Variants in CHST11 observed in about 807,000 individuals in gnomAD.
CHST11 encodes C4S-1.
In CHST11, 9 loss-of-function variants were observed where a neutral mutation model predicts 30.4. That is an observed-to-expected ratio of 0.30 (90% CI 0.18 to 0.52). The LOEUF is 0.52. CHST11 is among the 20% of genes least tolerant of loss of function. The pLI is 0.97. For missense variants in CHST11, 348 were observed against 460.6 expected (o/e 0.76, Z 2.24); for synonymous variants, 152 against 187.8 (o/e 0.81, Z 1.56).
intron 1 of CHST11, among the ~76,000 whole-genome samples, chr12:104,528,450 C>T (rs1233850312): frequency 6.6e-6 from 1 of 152,222 alleles, no homozygotes; most frequent in Non-Finnish European, 1.5e-5. Context: ...ATGAAACCTC[C>T]TTTAACTCAC....
chr12:104,695,774 C>T (rs530679423), intron 2 of CHST11, among the ~76,000 whole-genome samples: 14 of 152,362 alleles, frequency 9.2e-5, no homozygotes, highest in African/African-American at 3.4e-4. Flanking sequence ...TCCCCCTTCA[C>T]AGCCCTCCTT....
chr12:104,631,289 C>G (rs1054295366), intron 2 of CHST11, among the ~76,000 whole-genome samples: 9 of 152,210 alleles, frequency 5.9e-5, no homozygotes, highest in African/African-American at 2.2e-4. Context: ...GTCATTCACT[C>G]TTCCTCAGAC....
At chr12:104,651,024 T>G (rs191431593) in intron 2 of CHST11, among the ~76,000 whole-genome samples, 4 of 152,352 alleles carry the variant, frequency 2.6e-5, no homozygotes, top group African/African-American at 9.6e-5. Flanking sequence ...TTAGTCATTA[T>G]TATTATGTCT....
At chr12:104,592,851 G>A (rs1309060016) in intron 1 of CHST11, among the ~76,000 whole-genome samples, 1 of 152,192 alleles carries the variant, frequency 6.6e-6, no homozygotes, top group African/African-American at 2.4e-5. Flanking sequence ...GTCTGGGCAT[G>A]TTTCTGCAGA....
At chr12:104,631,555 A>G (rs898522616) in intron 2 of CHST11, among the ~76,000 whole-genome samples, 5 of 152,076 alleles carry the variant, frequency 3.3e-5, no homozygotes, top group Non-Finnish European at 7.3e-5. Flanking sequence ...GGGGACCCTC[A>G]GCCTGGCTCC....
rs77465182 is a variant in CHST11, at chr12:104,759,717, G to C, written c.*1914G>C. On this transcript the variant is annotated 3_prime_UTR_variant, in exon 3 of 3. Coordinates refer to ENST00000303694, the MANE Select transcript of CHST11 (RefSeq NM_018413.6). ...AGGTAGCTGAAGCTATTTATAAAAC[G>C]TTGTGTACCTTCTTCCGAGCTCTCT... The C allele has an allele frequency of 5.3e-5, 8 of 152,246 alleles. No homozygotes were observed. The East Asian group carries it at 1.2e-3, about 22-fold the overall frequency. The allele number at this position is 152,246 out of a possible 1,614,324, so 9.4% of individuals were successfully genotyped here.
chr12:104,753,183 A>C (rs2040447454), intron 2 of CHST11, among the ~76,000 whole-genome samples: 1 of 152,162 alleles, frequency 6.6e-6, no homozygotes, highest in Non-Finnish European at 1.5e-5. Flanking sequence ...TGCCGAGACC[A>C]CCACAGCTTT....
In CHST11 at chr12:104,674,599, C is replaced by T. The variant is rs140942052; in HGVS notation, c.204+72608C>T. 5.4e-4 allele frequency among the ~76,000 whole-genome samples: 83 copies of T among 152,312 alleles called. 1 individual carries two copies. The East Asian group carries it at 0.016, about 29-fold the overall frequency. ...ACCCAGGACTGTCCCTCATTAAATG[C>T]CTGAATAATTTCGAAGAGTCAGAGT... On this transcript the variant is annotated intron_variant, in intron 2 of 2. Transcript: ENST00000303694.
At chr12:104,511,148 TC>T (rs553498906) in intron 1 of CHST11, among the ~76,000 whole-genome samples, 266 of 152,320 alleles carry the variant, frequency 1.7e-3, no homozygotes, top group African/African-American at 6.2e-3. Context: ...TGAATCAGTC[TC>T]CACTTTCAGA....
At chr12:104,756,532 G>GGGGGTGTGTGTGTGTGTGTGTGT (rs1555250374) in intron 2 of CHST11, among the ~76,000 whole-genome samples, 3 of 143,292 alleles carry the variant, frequency 2.1e-5, no homozygotes, top group Non-Finnish European at 4.6e-5. Flanking sequence ...ATCCATGTGG[G>GGGGGTGTGTGTGTGTGTGTGTGT]GTGTGTGTGT....
chr12:104,626,545 A>G (rs1158315643), intron 2 of CHST11, among the ~76,000 whole-genome samples: 7 of 146,836 alleles, frequency 4.8e-5, no homozygotes, highest in Non-Finnish European at 7.4e-5. Context: ...GTTTTTCTTA[A>G]TTGCCATTTC....
In CHST11 at chr12:104,756,997, G is replaced by T. The variant is rs1465265548; in HGVS notation, c.253G>T (p.Val85Leu). 6.2e-7 allele frequency: 1 copy of T among 1,613,068 alleles called. No homozygotes were observed. Among genetic ancestry groups the T allele is most frequent in the East Asian group, 2.2e-5 (1 of 44,876 alleles). The change falls in exon 3 of 3, where the codon GTG becomes TTG. Residue 85 changes from valine (V) to leucine (L), a missense_variant. By Grantham distance (32) the Val-to-Leu change is conservative. This residue lies in a region of CHST11 where 135 missense variants were observed against 155.8 expected (regional missense o/e 0.87). Transcript: ENST00000303694. Reference protein sequence around the residue: ...AVLHQMRRDQVTDTCRANSAT... With the variant: ...AVLHQMRRDQLTDTCRANSAT... ...CCTGCACCAGATGCGGCGGGACCAG[G>T]TGACAGACACGTGCCGAGCCAACAG...
At chr12:104,540,934 A>G (rs1592753057) in intron 1 of CHST11, among the ~76,000 whole-genome samples, 1 of 152,170 alleles carries the variant, frequency 6.6e-6, no homozygotes. Context: ...GGTTGGGGTC[A>G]GGTCAGAAAA....
intron 2 of CHST11, among the ~76,000 whole-genome samples, chr12:104,670,193 G>A (rs2039677088): frequency 6.6e-6 from 1 of 152,176 alleles, no homozygotes; most frequent in Non-Finnish European, 1.5e-5. Context: ...GGTGCACTCT[G>A]GTGAGAGCAG....
intron 2 of CHST11, among the ~76,000 whole-genome samples, chr12:104,647,965 C>G (rs1269217928): frequency 2.0e-5 from 3 of 152,216 alleles, no homozygotes; most frequent in African/African-American, 7.2e-5. Flanking sequence ...AGTGAACGGT[C>G]TGAGAGAAAG....
intron 2 of CHST11, among the ~76,000 whole-genome samples, chr12:104,651,226 C>G (rs530725510): frequency 6.6e-6 from 1 of 152,202 alleles, no homozygotes; most frequent in South Asian, 2.1e-4. Context: ...AAAATTAATA[C>G]CAGATGTAAG....
At chr12:104,722,759 T>TA (rs2040188041) in intron 2 of CHST11, among the ~76,000 whole-genome samples, 1 of 152,042 alleles carries the variant, frequency 6.6e-6, no homozygotes, top group African/African-American at 2.4e-5. Context: ...TTCCTGCTGA[T>TA]ACCTGGGGGG....
rs1228799809 is a variant in CHST11 at position 104,758,489 on chromosome 12, A to G, written c.*686A>G. ...TGATAGAATAGGCTTTTTTAACAGG[A>G]ATTTTAAACTGGCGGTGCCAGTTGC... On this transcript the variant is annotated 3_prime_UTR_variant, in exon 3 of 3. Coordinates refer to ENST00000303694, the MANE Select transcript of CHST11 (RefSeq NM_018413.6). 2 of 152,176 alleles carry G rather than the reference A, an allele frequency of 1.3e-5. No homozygotes were observed. The highest frequency in any genetic ancestry group is 2.1e-4 in the South Asian group (1 of 4,830). The allele number at this position is 152,176 out of a possible 1,614,324, so 9.4% of individuals were successfully genotyped here.
chr12:104,552,221 T>C (rs989859973), intron 1 of CHST11: 3 of 152,278 alleles, frequency 2.0e-5, no homozygotes, highest in Non-Finnish European at 4.4e-5. Context: ...TGTGACAAGA[T>C]GAAACACTTT....
Sources: gnomAD v4.1 joint callset for allele counts (sites outside exome capture counted in the v4.1 genomes callset) on GRCh38, gnomAD v4.1.1 for gene constraint, gnomAD v4.1.1 regional missense constraint, MANE v1.5 for transcripts, NCBI Gene and HGNC (gene_info 2026-07-23, HGNC 2026-07-21) for gene names.